GLB1L3: variants seen among roughly 807,000 people sequenced by gnomAD.
GLB1L3 encodes the protein beta-galactosidase-1-like protein 3.
GLB1L3 carries 89 observed loss-of-function variants against 89.5 expected under a neutral mutation model. The ratio of observed to expected loss-of-function variants is 0.99; its 90% CI spans 0.84 to 1.19. The LOEUF (loss-of-function observed/expected upper bound fraction) is 1.19. GLB1L3 is among the 50% of genes most tolerant of loss of function. GLB1L3 has a pLI of 0.00. For missense variants in GLB1L3, 812 were observed against 813.3 expected (o/e 1.00, Z 0.02); for synonymous variants, 314 against 312.3 (o/e 1.01, Z -0.06).
chr11:134,278,926 A>C (rs560691790), intron 3 of GLB1L3, among the ~76,000 whole-genome samples: 107 of 152,370 alleles, frequency 7.0e-4, no homozygotes, highest in African/African-American at 2.5e-3. Flanking sequence ...ATAGTCAAGC[A>C]GCCATGTGGT....
Position 134,293,144 on chromosome 11 carries a change from G to A in GLB1L3, c.812-1G>A. ...GCTGGGTCTCTCTCTTCTTTATGCA[G>A]TGTTGGCCGCCATCAATTTGCAAAA... On this transcript the variant is annotated splice_acceptor_variant, in intron 8 of 19. Coordinates refer to ENST00000431683, the MANE Select transcript of GLB1L3 (RefSeq NM_001080407.3). LOFTEE classifies it high-confidence loss of function. The A allele has an allele frequency of 6.2e-7, 1 of 1,613,448 alleles. No individual in the cohort carries two copies. Among genetic ancestry groups the A allele is most frequent in the African/African-American group, 1.3e-5 (1 of 75,016 alleles).
rs770686641 is a variant in GLB1L3, at chr11:134,292,222, T to G, written c.811+9T>G. 1.2e-6 allele frequency: 2 copies of G among 1,602,962 alleles called. No individual in the cohort carries two copies. Among genetic ancestry groups the G allele is most frequent in the East Asian group, 4.5e-5 (2 of 44,796 alleles). ...TGGCCACACCAAAGGAGGTACACATTTAGAGTTAGTTCACAGGAGAACAGG... is the reference window on the plus strand; with the variant it reads ...TGGCCACACCAAAGGAGGTACACATGTAGAGTTAGTTCACAGGAGAACAGG... On this transcript the variant is annotated intron_variant, in intron 8 of 19. Coordinates refer to ENST00000431683, the MANE Select transcript of GLB1L3 (RefSeq NM_001080407.3).
intron 3 of GLB1L3, among the ~76,000 whole-genome samples, chr11:134,279,369 T>C (rs867790387): frequency 0.012 from 1,690 of 140,432 alleles, 24 homozygotes; most frequent in African/African-American, 0.045. Flanking sequence ...TTTTTCTTTT[T>C]TTTTTTTTTT....
chr11:134,309,923 A>T, intron 11 of GLB1L3, 160 bp downstream of exon 11: 1 of 768,776 alleles, frequency 1.3e-6, no homozygotes, highest in Non-Finnish European at 2.0e-6. Context: ...CTGTATGTTC[A>T]TAATGCCCCA....
At position 134,283,710 on chromosome 11, in the gene GLB1L3, C is replaced by T. The variant is rs368809721; in HGVS notation, c.528-27C>T. 12 of 1,415,694 alleles carry T rather than the reference C, an allele frequency of 8.5e-6. No homozygotes were observed. The East Asian group carries it at 1.8e-4, about 22-fold the overall frequency. The allele number at this position is 1,415,694 out of a possible 1,614,324, so 87.7% of individuals were successfully genotyped here. Reference sequence around the variant, plus strand: ...CTTCCCTCTCCCAACCCGTCTCAGACCCTGAGCCCGCCCCTCTTGCCCCCA... The same window carrying T: ...CTTCCCTCTCCCAACCCGTCTCAGATCCTGAGCCCGCCCCTCTTGCCCCCA... On this transcript the variant is annotated intron_variant, in intron 5 of 19. Coordinates refer to ENST00000431683, the MANE Select transcript of GLB1L3 (RefSeq NM_001080407.3).
rs188844865 is a variant in GLB1L3 at position 134,288,091 on chromosome 11, T to A, written c.637-707T>A. ...ACTGTGGAAGGACCCTGAAAGAGGA[T>A]ACTCTGAAAAGGCCTTTGAGTTTAG... On this transcript the variant is annotated intron_variant, in intron 6 of 19. Coordinates refer to ENST00000431683, the MANE Select transcript of GLB1L3 (RefSeq NM_001080407.3). Among the ~76,000 whole-genome samples, 506 of 152,308 alleles carry A rather than the reference T, an allele frequency of 3.3e-3. 1 individual carries two copies. The highest frequency in any genetic ancestry group is 4.7e-3 in the Non-Finnish European group (321 of 68,026).
intron 9 of GLB1L3, among the ~76,000 whole-genome samples, chr11:134,297,143 C>G (rs1008811914): frequency 6.6e-6 from 1 of 152,138 alleles, no homozygotes; most frequent in Non-Finnish European, 1.5e-5. Context: ...TGTATCATTA[C>G]GTAATATCCC....
At chr11:134,308,500 T>TCACCATC (rs1565414129) in intron 10 of GLB1L3, among the ~76,000 whole-genome samples, 10 of 15,460 alleles carry the variant, frequency 6.5e-4, no homozygotes, top group Admixed American at 1.1e-3. Flanking sequence ...CACCACCAAA[T>TCACCATC]ACCACCACCA....
chr11:134,322,652 A>G (rs1018440709), downstream of GLB1L3, among the ~76,000 whole-genome samples: 31 of 152,140 alleles, frequency 2.0e-4, no homozygotes, highest in African/African-American at 7.2e-4. Flanking sequence ...TGAACATTTT[A>G]CGAAAGTGGA....
intron 8 of GLB1L3, chr11:134,292,542 C>T (rs1256137468): frequency 1.2e-5 from 3 of 243,832 alleles, no homozygotes; most frequent in South Asian, 8.3e-5. Context: ...GGATCAGGGC[C>T]ATCTCCACTA....
At chr11:134,293,744 G>T (rs754787298) in intron 9 of GLB1L3, among the ~76,000 whole-genome samples, 46 of 151,928 alleles carry the variant, frequency 3.0e-4, no homozygotes, top group Non-Finnish European at 5.2e-4. Flanking sequence ...CCTCCAGGGA[G>T]TACATCATCT....
At chr11:134,284,007 G>A (rs866399039) in intron 6 of GLB1L3, among the ~76,000 whole-genome samples, 162 bp downstream of exon 6, 22 of 152,282 alleles carry the variant, frequency 1.4e-4, no homozygotes, top group Middle Eastern at 6.8e-3. Context: ...CAGAAGCACT[G>A]ACCTGTCCTG....
downstream of GLB1L3, among the ~76,000 whole-genome samples, chr11:134,322,570 T>C (rs1943180566): frequency 6.6e-6 from 1 of 152,150 alleles, no homozygotes; most frequent in Non-Finnish European, 1.5e-5. Context: ...CAGTAGTTAC[T>C]CCTGATTCCC....
chr11:134,305,797 G>A (rs1591572994), intron 9 of GLB1L3, among the ~76,000 whole-genome samples: 1 of 152,212 alleles, frequency 6.6e-6, no homozygotes, highest in East Asian at 1.9e-4. Flanking sequence ...GGGCTGTTAA[G>A]TAAGAGGGAC....
intron 17 of GLB1L3, 130 bp from the exon 18 acceptor site, chr11:134,314,200 T>G (rs1942881213): frequency 5.4e-6 from 4 of 737,542 alleles, no homozygotes; most frequent in Non-Finnish European, 9.2e-6. Flanking sequence ...GATTCTGATC[T>G]TAACGCATCT....
intron 13 of GLB1L3, 127 bp from the exon 14 acceptor site, chr11:134,312,222 T>G (rs1942766440): frequency 3.9e-6 from 4 of 1,026,060 alleles, no homozygotes; most frequent in Non-Finnish European, 5.7e-6. Flanking sequence ...ACATGGCATC[T>G]GTTTCATCAT....
rs1313901151 is a variant in GLB1L3 at position 134,277,824 on chromosome 11, G to T, written c.274G>T (p.Gly92Cys). The change falls in exon 3 of 20, where the codon GGC (glycine) becomes TGC (cysteine). Residue 92 changes from glycine (G) to cysteine (C), a missense_variant. Gly to Cys is a radical substitution (Grantham distance 159). This residue lies in a region of GLB1L3 where 191 missense variants were observed against 191.4 expected (regional missense o/e 1.00). Transcript: ENST00000431683. Reference protein sequence around the residue: ...LEGHKFLIFGGSIHYFRVPRE... With the variant: ...LEGHKFLIFGCSIHYFRVPRE... ...GGGCCACAAGTTCCTGATCTTCGGG[G>T]GCTCCATCCACTATTTCCGGGTGCC... is the stretch of plus-strand genomic sequence containing the variant. The T allele has an allele frequency of 1.2e-6, 2 of 1,613,948 alleles. No homozygotes were observed. Among genetic ancestry groups the T allele is most frequent in the Non-Finnish European group, 1.7e-6 (2 of 1,180,012 alleles).
intron 11 of GLB1L3, chr11:134,310,021 C>T (rs1942645517): frequency 5.9e-6 from 3 of 507,870 alleles, no homozygotes; most frequent in Non-Finnish European, 1.1e-5. Flanking sequence ...GCTTGAACCT[C>T]TGAAGAGAGG....
chr11:134,282,171 T>TA (rs1301048303), intron 5 of GLB1L3, 51 bp downstream of exon 5: 30 of 1,495,406 alleles, frequency 2.0e-5, no homozygotes, highest in South Asian at 2.0e-4. Flanking sequence ...GTATTTGCTT[T>TA]AAAAAAAGTG....
Sources: gnomAD v4.1 joint callset for allele counts (sites outside exome capture counted in the v4.1 genomes callset) on GRCh38, gnomAD v4.1.1 for gene constraint, gnomAD v4.1.1 regional missense constraint, MANE v1.5 for transcripts, NCBI Gene and HGNC (gene_info 2026-07-23, HGNC 2026-07-21) for gene names.